Variants in PTPRD observed in about 807,000 individuals in gnomAD.
PTPRD encodes the protein receptor-type tyrosine-protein phosphatase delta.
Under a neutral mutation model 214.5 loss-of-function variants are expected in PTPRD, and 34 were observed. The ratio of observed to expected loss-of-function variants is 0.16; its 90% CI spans 0.12 to 0.21. The LOEUF is 0.21. Among genes scored for constraint, PTPRD ranks in the 10% least tolerant of loss-of-function variants. The pLI, the probability that PTPRD is intolerant of heterozygous loss-of-function variation, is 1.00. For missense variants in PTPRD, 2,545 were observed against 2,398.7 expected, an observed-to-expected ratio of 1.06 and a Z score of -1.27; for synonymous variants, 1,128 against 845.7, an observed-to-expected ratio of 1.33 and a Z score of -5.79.
At chr9:9,809,463 T>G (rs2046458670) in intron 5 of PTPRD, among the ~76,000 whole-genome samples, 1 of 151,966 alleles carries the variant, frequency 6.6e-6, no homozygotes, top group Non-Finnish European at 1.5e-5. Flanking sequence ...GAGACGGGGT[T>G]TCACCATTCA....
intron 44 of PTPRD, among the ~76,000 whole-genome samples, chr9:8,320,847 A>G (rs1442404602): frequency 1.3e-5 from 2 of 152,162 alleles, no homozygotes; most frequent in Non-Finnish European, 2.9e-5. Flanking sequence ...GAGGAAAGCA[A>G]TGGGAAGTTC....
rs539809972 is a variant in PTPRD, at chr9:9,465,442, G to A, written c.-236-67960C>T. On this transcript the variant is annotated intron_variant, in intron 8 of 45. Transcript: ENST00000381196. ...ATGCAAACTGATTGTTTGAGTCAGA[G>A]GAGTCCATTACTCAAGTGTAAGAAT... is the stretch of plus-strand genomic sequence containing the variant. Among the ~76,000 whole-genome samples, 91 of 152,244 alleles carry A rather than the reference G, an allele frequency of 6.0e-4. 3 individuals are homozygous for A. The South Asian group carries it at 0.017, about 28-fold the overall frequency.
intron 34 of PTPRD, among the ~76,000 whole-genome samples, chr9:8,442,243 C>T (rs2095570922): frequency 6.6e-6 from 1 of 152,146 alleles, no homozygotes; most frequent in Non-Finnish European, 1.5e-5. Context: ...TTTTGCTTTT[C>T]AAAAGTCCTG....
intron 11 of PTPRD, among the ~76,000 whole-genome samples, chr9:8,865,753 C>A (rs758195748): frequency 2.0e-5 from 3 of 152,060 alleles, no homozygotes; most frequent in Non-Finnish European, 4.4e-5. Flanking sequence ...TTAGATGTCA[C>A]GTTAATATTG....
chr9:10,407,501 C>T (rs938494130), intron 2 of PTPRD, among the ~76,000 whole-genome samples: 1 of 151,450 alleles, frequency 6.6e-6, no homozygotes, highest in African/African-American at 2.4e-5. Context: ...AGCACCATTC[C>T]TAATAGAAAT....
At chr9:8,462,851 T>C (rs1456755603) in intron 32 of PTPRD, among the ~76,000 whole-genome samples, 1 of 151,990 alleles carries the variant, frequency 6.6e-6, no homozygotes, top group Non-Finnish European at 1.5e-5. Flanking sequence ...TTTGTATATA[T>C]ACTTCATTTT....
intron 7 of PTPRD, among the ~76,000 whole-genome samples, chr9:9,693,156 T>TTGAATAACAGTAGTAAA (rs2097305112): frequency 1.3e-5 from 2 of 152,094 alleles, no homozygotes; most frequent in South Asian, 4.1e-4. Flanking sequence ...CAGTAATATG[T>TTGAATAACAGTAGTAAA]TGAATAACAG....
At chr9:10,018,840 C>T (rs530632224) in intron 4 of PTPRD, among the ~76,000 whole-genome samples, 12 of 152,112 alleles carry the variant, frequency 7.9e-5, no homozygotes, top group South Asian at 6.2e-4. Context: ...TGAGCCACCG[C>T]GCCCGGCCAG....
chr9:8,580,284 C>T (rs541640135), intron 14 of PTPRD, among the ~76,000 whole-genome samples: 35 of 151,966 alleles, frequency 2.3e-4, no homozygotes, highest in East Asian at 5.8e-4. Context: ...AAGACAGATC[C>T]GAAATGATAC....
At chr9:10,523,116 GAAAAAT>G (rs1792017168) in intron 2 of PTPRD, among the ~76,000 whole-genome samples, 1 of 151,942 alleles carries the variant, frequency 6.6e-6, no homozygotes, top group Admixed American at 6.6e-5. Flanking sequence ...CTCTGTGGTT[GAAAAAT>G]AAAATCAGAG....
chr9:8,784,290 A>C (rs926090579), intron 11 of PTPRD, among the ~76,000 whole-genome samples: 2 of 152,200 alleles, frequency 1.3e-5, no homozygotes, highest in African/African-American at 4.8e-5. Context: ...GTCCCAACCA[A>C]GCTTTTCTCT....
At chr9:10,361,087 G>C (rs370791027) in intron 2 of PTPRD, among the ~76,000 whole-genome samples, 1 of 152,144 alleles carries the variant, frequency 6.6e-6, no homozygotes, top group Non-Finnish European at 1.5e-5. Flanking sequence ...GGGCGACAGC[G>C]AGACTCTGTC....
chr9:9,839,229 G>A (rs1277478074), intron 5 of PTPRD, among the ~76,000 whole-genome samples: 1 of 152,120 alleles, frequency 6.6e-6, no homozygotes, highest in African/African-American at 2.4e-5. Context: ...AGGAAATACA[G>A]GGTATTCAAT....
chr9:9,535,063 A>T (rs988018550), intron 8 of PTPRD, among the ~76,000 whole-genome samples: 2 of 152,054 alleles, frequency 1.3e-5, no homozygotes, highest in Non-Finnish European at 2.9e-5. Context: ...TTAAATATGG[A>T]AAAGTAGATT....
chr9:9,669,386 T>C (rs544389974), intron 7 of PTPRD, among the ~76,000 whole-genome samples: 2 of 152,298 alleles, frequency 1.3e-5, no homozygotes, highest in South Asian at 2.1e-4. Flanking sequence ...CTAATTTCTA[T>C]CACTAGGAAA....
chr9:8,630,638 C>CAAATCAT (rs1364363916), intron 14 of PTPRD, among the ~76,000 whole-genome samples: 1 of 151,774 alleles, frequency 6.6e-6, no homozygotes, highest in African/African-American at 2.4e-5. Flanking sequence ...GTTAACTACT[C>CAAATCAT]AAATCATAAA....
intron 14 of PTPRD, among the ~76,000 whole-genome samples, chr9:8,599,698 C>T (rs2094713485): frequency 2.7e-5 from 4 of 147,550 alleles, no homozygotes; most frequent in South Asian, 2.2e-4. Flanking sequence ...ATCACTGCAA[C>T]CTCCGCCTCC....
intron 8 of PTPRD, among the ~76,000 whole-genome samples, chr9:9,566,383 C>T (rs1569569330): frequency 6.6e-6 from 1 of 151,936 alleles, no homozygotes; most frequent in Non-Finnish European, 1.5e-5. Flanking sequence ...CTCAAGAGCA[C>T]AGCAATAAGC....
intron 7 of PTPRD, among the ~76,000 whole-genome samples, chr9:9,623,191 T>C (rs1312306002): frequency 2.0e-5 from 3 of 152,210 alleles, no homozygotes; most frequent in Non-Finnish European, 2.9e-5. Flanking sequence ...AGACAAGATA[T>C]TGTTTTTGTA....
Sources: allele counts gnomAD v4.1 joint callset (sites outside exome capture counted in the v4.1 genomes callset), GRCh38; gene constraint gnomAD v4.1.1; transcripts MANE v1.5; gene names NCBI Gene and HGNC (gene_info 2026-07-23, HGNC 2026-07-21).